PHLDB2: variants seen among roughly 807,000 people sequenced by gnomAD.
PHLDB2 encodes the protein pleckstrin homology-like domain family B member 2.
In PHLDB2, 71 loss-of-function variants were observed where a neutral mutation model predicts 123.6. That is an observed-to-expected ratio of 0.57 (90% CI 0.47 to 0.70). PHLDB2 has a LOEUF of 0.70. PHLDB2 is among the 30% of genes least tolerant of loss of function. The pLI is 0.00. For synonymous variants in PHLDB2, 547 were observed against 541.6 expected (o/e 1.01, Z -0.14); for missense variants, 1,446 against 1,519.5 (o/e 0.95, Z 0.80).
intron 13 of PHLDB2, among the ~76,000 whole-genome samples, chr3:111,964,165 C>T (rs561897182): frequency 6.6e-6 from 1 of 152,170 alleles, no homozygotes; most frequent in African/African-American, 2.4e-5. Context: ...TTGCCAGCAC[C>T]ACAGAGTCAG....
intron 1 of PHLDB2, among the ~76,000 whole-genome samples, chr3:111,775,856 C>A (rs2060259553): frequency 6.6e-6 from 1 of 152,142 alleles, no homozygotes; most frequent in African/African-American, 2.4e-5. Flanking sequence ...AGAATTTGCA[C>A]TGAGTTTATG....
At chr3:111,894,512 T>A (rs952304658) in intron 2 of PHLDB2, among the ~76,000 whole-genome samples, 3 of 151,878 alleles carry the variant, frequency 2.0e-5, no homozygotes, top group Non-Finnish European at 4.4e-5. Flanking sequence ...GTTGAACTAG[T>A]TTACACTCCC....
chr3:111,878,496 A>G (rs1236961928), intron 1 of PHLDB2, among the ~76,000 whole-genome samples: 1 of 152,228 alleles, frequency 6.6e-6, no homozygotes, highest in Non-Finnish European at 1.5e-5. Flanking sequence ...TGTCATCTGC[A>G]AACAGAGACA....
chr3:111,882,130 G>C lies in PHLDB2; in HGVS notation c.-14-1934G>C, dbSNP rs201246522. Among the ~76,000 whole-genome samples, 46 of 152,238 alleles carry C rather than the reference G, an allele frequency of 3.0e-4. 1 individual carries two copies. In the East Asian group the frequency reaches 7.7e-3, roughly 26 times the overall value. ...AAATGATTGTACAATATTCTCTCAT[G>C]ATGTATTATAGCTTATTTAATTTTT... On this transcript the variant is annotated intron_variant, in intron 1 of 17. Coordinates refer to ENST00000431670, the MANE Select transcript of PHLDB2 (RefSeq NM_001134438.2).
intron 13 of PHLDB2, among the ~76,000 whole-genome samples, chr3:111,966,253 T>C (rs2071745370): frequency 6.6e-6 from 1 of 152,176 alleles, no homozygotes; most frequent in South Asian, 2.1e-4. Context: ...TCATGGGTCA[T>C]TATTTTTAGA....
chr3:111,840,887 C>T (rs1321101786), intron 1 of PHLDB2, among the ~76,000 whole-genome samples: 2 of 152,188 alleles, frequency 1.3e-5, no homozygotes, highest in African/African-American at 2.4e-5. Flanking sequence ...TACTGCCTCT[C>T]ACATTATAAT....
upstream of PHLDB2, among the ~76,000 whole-genome samples, chr3:111,857,022 G>A (rs2064541628): frequency 6.6e-6 from 1 of 152,144 alleles, no homozygotes; most frequent in African/African-American, 2.4e-5. Flanking sequence ...AAGTGAGGGA[G>A]TGAACCATGC....
intron 2 of PHLDB2, among the ~76,000 whole-genome samples, chr3:111,888,366 T>A (rs976446378): frequency 6.6e-6 from 1 of 151,946 alleles, no homozygotes; most frequent in African/African-American, 2.4e-5. Context: ...GAAATTATAT[T>A]TTTTTTCTGT....
chr3:111,853,762 C>G (rs1576893517), intron 2 of PHLDB2, among the ~76,000 whole-genome samples: 1 of 152,064 alleles, frequency 6.6e-6, no homozygotes, highest in Non-Finnish European at 1.5e-5. Context: ...GTAATCCCAG[C>G]TACTCCAGAG....
intron 1 of PHLDB2, among the ~76,000 whole-genome samples, chr3:111,879,729 G>A (rs536216143): frequency 3.4e-4 from 51 of 152,108 alleles, no homozygotes; most frequent in Non-Finnish European, 6.0e-4. Flanking sequence ...ATTTGCTATA[G>A]TTCAGTGCCT....
chr3:111,811,263 C>G (rs1381950322), intron 1 of PHLDB2, among the ~76,000 whole-genome samples: 1 of 152,132 alleles, frequency 6.6e-6, no homozygotes, highest in Non-Finnish European at 1.5e-5. Context: ...CCTTTCAGGA[C>G]TTGGTGTTTG....
intron 1 of PHLDB2, among the ~76,000 whole-genome samples, chr3:111,817,647 ACT>A (rs1360721857): frequency 6.6e-6 from 1 of 152,010 alleles, no homozygotes. Flanking sequence ...ACCTTTCCAA[ACT>A]CTTATCTCAT....
chr3:111,740,978 C>T (rs1187000134), intron 1 of PHLDB2, among the ~76,000 whole-genome samples: 1 of 151,452 alleles, frequency 6.6e-6, no homozygotes, highest in Non-Finnish European at 1.5e-5. Context: ...ACAATGATGA[C>T]AAGGTGCTGA....
At chr3:111,842,791 C>T (rs1388138165) in intron 1 of PHLDB2, among the ~76,000 whole-genome samples, 1 of 152,154 alleles carries the variant, frequency 6.6e-6, no homozygotes, top group Non-Finnish European at 1.5e-5. Context: ...TCCAGGCAAC[C>T]ACAAATCTAT....
intron 12 of PHLDB2, among the ~76,000 whole-genome samples, chr3:111,961,639 A>G (rs1043941127): frequency 6.6e-6 from 1 of 152,236 alleles, no homozygotes; most frequent in Admixed American, 6.5e-5. Flanking sequence ...CTGAAATCCT[A>G]CACTTGAAAG....
rs767001844 is a variant in PHLDB2 at position 111,948,944 on chromosome 3, G to A, written c.2500G>A (p.Val834Ile). 2 of 1,613,928 alleles carry A rather than the reference G, an allele frequency of 1.2e-6. No individual in the cohort carries two copies. Among genetic ancestry groups the A allele is most frequent in the Non-Finnish European group, 1.7e-6 (2 of 1,179,940 alleles). Residue 834 changes from valine to isoleucine, a missense_variant, in exon 10 of 18, where the codon GTA becomes ATA. Transcript: ENST00000431670. ...TTCCTCCTTTTAGGGCTATATCAGT[G>A]TAAATGAGATTAATGAGCCGTGTGG... The part of the protein sequence containing the change: ...PNTLKEGYIS[V>I]NEINEPCGNS...
At chr3:111,881,735 G>A (rs2065935549) in intron 1 of PHLDB2, among the ~76,000 whole-genome samples, 1 of 149,784 alleles carries the variant, frequency 6.7e-6, no homozygotes, top group Admixed American at 6.7e-5. Context: ...TAGACTAGTA[G>A]CCACAAATAT....
At chr3:111,906,472 C>G (rs536985813) in intron 2 of PHLDB2, among the ~76,000 whole-genome samples, 1 of 152,198 alleles carries the variant, frequency 6.6e-6, no homozygotes, top group East Asian at 1.9e-4. Flanking sequence ...ATGCATTTAG[C>G]CACTATAGTA....
intron 1 of PHLDB2, among the ~76,000 whole-genome samples, chr3:111,882,464 A>G (rs2065976787): frequency 6.6e-6 from 1 of 152,220 alleles, no homozygotes; most frequent in Admixed American, 6.5e-5. Context: ...TTGGAGGCAG[A>G]AAGGGCACTG....
Sources: gnomAD v4.1 joint callset for allele counts (sites outside exome capture counted in the v4.1 genomes callset) on GRCh38, gnomAD v4.1.1 for gene constraint, MANE v1.5 for transcripts, NCBI Gene and HGNC (gene_info 2026-07-23, HGNC 2026-07-21) for gene names.